Variants in LOXL2 observed in about 807,000 individuals in gnomAD.
LOXL2 encodes the protein lysyl oxidase like 2.
A neutral mutation model predicts 93.0 loss-of-function variants in LOXL2; 70 were observed. That is an observed-to-expected ratio of 0.75 (90% CI 0.62 to 0.92). The LOEUF (loss-of-function observed/expected upper bound fraction) is 0.92, where lower values mean the gene tolerates loss of function less well. LOXL2 is among the 40% of genes least tolerant of loss of function. The pLI, the probability that LOXL2 is intolerant of heterozygous loss-of-function variation, is 0.00. For synonymous variants in LOXL2, 438 were observed against 413.2 expected, an observed-to-expected ratio of 1.06 and a Z score of -0.73; for missense variants, 973 against 1,054.9, an observed-to-expected ratio of 0.92 and a Z score of 1.08.
At chr8:23,342,761 T>A (rs536620149) in intron 3 of LOXL2, among the ~76,000 whole-genome samples, 1 of 151,962 alleles carries the variant, frequency 6.6e-6, no homozygotes, top group Admixed American at 6.6e-5. Flanking sequence ...TAATTTTTAT[T>A]CTTTTTTGAG....
At chr8:23,314,715 G>A (rs1318260793) in intron 9 of LOXL2, among the ~76,000 whole-genome samples, 1 of 151,288 alleles carries the variant, frequency 6.6e-6, no homozygotes, top group African/African-American at 2.4e-5. Context: ...AGTGGGTGCA[G>A]CGCACCAGCA....
chr8:23,368,410 G>T lies in LOXL2; in HGVS notation c.-59C>A. On this transcript the variant is annotated 5_prime_UTR_variant, in exon 2 of 14. Coordinates refer to ENST00000389131, the MANE Select transcript of LOXL2 (RefSeq NM_002318.3). ...CCCTGCGCAGCTGGGAGGGACAGGC[G>T]GGGTACAGAAGCAGCAGGAGCTTTC... 1.4e-6 allele frequency: 2 copies of T among 1,465,076 alleles called. No homozygotes were observed. The highest frequency in any genetic ancestry group is 9.5e-7 in the Non-Finnish European group (1 of 1,057,226). The allele number at this position is 1,465,076 out of a possible 1,614,324, so 90.8% of individuals were successfully genotyped here.
chr8:23,384,668 C>A (rs1006282502), intron 1 of LOXL2, among the ~76,000 whole-genome samples: 6 of 152,112 alleles, frequency 3.9e-5, no homozygotes, highest in Admixed American at 1.3e-4. Flanking sequence ...TAATCTCAGC[C>A]CTTTGAAGGC....
chr8:23,398,726 T>G (rs1391508654), intron 1 of LOXL2, among the ~76,000 whole-genome samples: 1 of 152,188 alleles, frequency 6.6e-6, no homozygotes, highest in Non-Finnish European at 1.5e-5. Context: ...TCACCCAGGC[T>G]GGAATGCACT....
intron 5 of LOXL2, 144 bp from the exon 6 acceptor site, chr8:23,328,709 ATG>A (rs60768341): frequency 0.047 from 21,263 of 457,032 alleles, 126 homozygotes; most frequent in East Asian, 0.22. Context: ...TGATGTATGG[ATG>A]TGTGTGTGTG....
chr8:23,342,164 C>A (rs1418131260), intron 3 of LOXL2, among the ~76,000 whole-genome samples: 19 of 152,160 alleles, frequency 1.2e-4, no homozygotes, highest in Admixed American at 1.2e-3. Context: ...TATCCCTGTA[C>A]CACCTAGACC....
At chr8:23,392,835 C>T (rs1309285316) in intron 1 of LOXL2, among the ~76,000 whole-genome samples, 1 of 152,152 alleles carries the variant, frequency 6.6e-6, no homozygotes, top group Non-Finnish European at 1.5e-5. Context: ...TGCTAAAAAA[C>T]TATCAAAACC....
chr8:23,354,821 T>G (rs1001390147), intron 3 of LOXL2, among the ~76,000 whole-genome samples: 2 of 151,534 alleles, frequency 1.3e-5, no homozygotes, highest in African/African-American at 4.9e-5. Context: ...ATTCCTCCAC[T>G]GACAAGGAGC....
At chr8:23,376,918 G>GT (rs1461504639) in intron 1 of LOXL2, among the ~76,000 whole-genome samples, 4 of 152,042 alleles carry the variant, frequency 2.6e-5, no homozygotes. Flanking sequence ...TTTTTGAAGG[G>GT]TTTTTTGTGT....
At chr8:23,312,322 C>G (rs1369296973) in intron 9 of LOXL2, among the ~76,000 whole-genome samples, 1 of 144,238 alleles carries the variant, frequency 6.9e-6, no homozygotes, top group African/African-American at 2.7e-5. Flanking sequence ...ATCCTGATAC[C>G]AAAGCTGGGC....
rs977775903 is a variant in LOXL2 at position 23,346,252 on chromosome 8, G to C, written c.532-5049C>G. 4.0e-5 allele frequency among the ~76,000 whole-genome samples: 6 copies of C among 151,222 alleles called. No homozygotes were observed. The South Asian group carries it at 1.3e-3, about 32-fold the overall frequency. ...AATTCAGCCCCAAATGCCAGAAGCT[G>C]GTCAAGCACCCTGCACATATTAAAA... On this transcript the variant is annotated intron_variant, in intron 3 of 13. Coordinates refer to ENST00000389131, the MANE Select transcript of LOXL2 (RefSeq NM_002318.3).
Position 23,309,192 on chromosome 8 carries a change from C to G in LOXL2, c.1880+476G>C, listed in dbSNP as rs909921115. Among the ~76,000 whole-genome samples, 3 of 152,004 alleles carry G rather than the reference C, an allele frequency of 2.0e-5. No homozygotes were observed. In the South Asian group the frequency reaches 6.2e-4, roughly 32 times the overall value. On this transcript the variant is annotated intron_variant, in intron 10 of 13. Transcript: ENST00000389131. ...TAGAGACGGGGTTTCACCGTGTTAG[C>G]CAGAATGGGCTTGATCTCCTGACCT...
Position 23,308,813 on chromosome 8 carries a change from G to A in LOXL2, c.1880+855C>T, listed in dbSNP as rs536177017. ...ACTGACAGAGCTGGAAGGGACAGGC[G>A]AGGTCCCAGGTGATGCCGCCCAGCT... On this transcript the variant is annotated intron_variant, in intron 10 of 13. Coordinates refer to ENST00000389131, the MANE Select transcript of LOXL2 (RefSeq NM_002318.3). Among the ~76,000 whole-genome samples, 48 of 152,152 alleles carry A rather than the reference G, an allele frequency of 3.2e-4. No individual in the cohort carries two copies. In the South Asian group the frequency reaches 8.1e-3, roughly 26 times the overall value.
At chr8:23,384,229 A>C (rs1007458025) in intron 1 of LOXL2, among the ~76,000 whole-genome samples, 1 of 152,204 alleles carries the variant, frequency 6.6e-6, no homozygotes, top group East Asian at 1.9e-4. Flanking sequence ...ATAAGGTTGG[A>C]CCAAGGAGGT....
At chr8:23,331,985 A>G (rs1234296196) in intron 5 of LOXL2, 3 of 149,388 alleles carry the variant, frequency 2.0e-5, no homozygotes. Flanking sequence ...GCAGTGAACC[A>G]AGATCATGCC....
At chr8:23,400,361 G>A (rs1800140097) in intron 1 of LOXL2, among the ~76,000 whole-genome samples, 1 of 152,150 alleles carries the variant, frequency 6.6e-6, no homozygotes, top group African/African-American at 2.4e-5. Context: ...ATGGTGGCAG[G>A]CAAGAGAGCA....
intron 3 of LOXL2, among the ~76,000 whole-genome samples, chr8:23,347,663 TAAATAAA>T (rs1237779707): frequency 2.0e-5 from 3 of 151,918 alleles, no homozygotes; most frequent in Non-Finnish European, 4.4e-5. Flanking sequence ...AAAATATAAA[TAAATAAA>T]TAATAAAAAC....
At chr8:23,348,559 T>A (rs1024917107) in intron 3 of LOXL2, among the ~76,000 whole-genome samples, 17 of 148,666 alleles carry the variant, frequency 1.1e-4, no homozygotes, top group African/African-American at 4.0e-4. Context: ...CAGAGCGAGA[T>A]CTTCTAAGAA....
chr8:23,361,088 A>T (rs1359990592), intron 2 of LOXL2, among the ~76,000 whole-genome samples: 6 of 151,834 alleles, frequency 4.0e-5, no homozygotes, highest in Non-Finnish European at 8.8e-5. Flanking sequence ...TTTAGTAGAG[A>T]TGGAGTGTCA....
Sources: gnomAD v4.1 joint callset for allele counts (sites outside exome capture counted in the v4.1 genomes callset) on GRCh38, gnomAD v4.1.1 for gene constraint, MANE v1.5 for transcripts, NCBI Gene and HGNC (gene_info 2026-07-23, HGNC 2026-07-21) for gene names.